SMARCA4: variants seen among roughly 807,000 people sequenced by gnomAD.
SMARCA4 encodes SWI/SNF related BAF chromatin remodeling complex subunit ATPase 4.
A neutral mutation model predicts 193.9 loss-of-function variants in SMARCA4; 31 were observed. The ratio of observed to expected loss-of-function variants is 0.16; its 90% CI spans 0.12 to 0.22. SMARCA4 has a LOEUF of 0.22. Ranked by LOEUF, SMARCA4 falls within the 10% of genes least tolerant of loss-of-function variation. The pLI is 1.00. For synonymous variants in SMARCA4, 942 were observed against 933.1 expected (o/e 1.01, Z -0.17); for missense variants, 1,148 against 2,296.0 (o/e 0.50, Z 10.22).
rs367836094 is a variant in SMARCA4 at position 11,060,204 on chromosome 19, G to A, written c.4911+17G>A. On this transcript the variant is annotated intron_variant, in intron 34 of 34. Coordinates refer to ENST00000344626, the MANE Select transcript of SMARCA4 (RefSeq NM_003072.5). Reference sequence around the variant, plus strand: ...CAAGAGGAGGTGAGGCCGGGCCCCCGAGCAGGCAGAGCTGGCATGTGGCAG... The same window carrying A: ...CAAGAGGAGGTGAGGCCGGGCCCCCAAGCAGGCAGAGCTGGCATGTGGCAG... The A allele has an allele frequency of 7.1e-6, 11 of 1,550,084 alleles. No individual in the cohort carries two copies. The highest frequency in any genetic ancestry group is 2.4e-5 in the East Asian group (1 of 40,894).
At chr19:10,999,191 C>T (rs1361337824) in intron 11 of SMARCA4, among the ~76,000 whole-genome samples, 1 of 151,954 alleles carries the variant, frequency 6.6e-6, no homozygotes, top group East Asian at 1.9e-4. Context: ...CAGACATGAG[C>T]CACTATGCCT....
intron 1 of SMARCA4, among the ~76,000 whole-genome samples, chr19:10,982,365 T>C (rs1329347189): frequency 6.6e-6 from 1 of 151,908 alleles, no homozygotes; most frequent in Non-Finnish European, 1.5e-5. Flanking sequence ...TCCCAACTAC[T>C]CAGGAGGCTG....
At chr19:10,980,973 A>G (rs1041799416) in intron 1 of SMARCA4, 2 of 152,302 alleles carry the variant, frequency 1.3e-5, no homozygotes, top group African/African-American at 4.8e-5. Context: ...GCTGATCTTG[A>G]ATTTCTGGGT....
chr19:11,025,158 C>T (rs1046248236), intron 21 of SMARCA4, among the ~76,000 whole-genome samples: 5 of 152,186 alleles, frequency 3.3e-5, no homozygotes, highest in Admixed American at 3.3e-4. Flanking sequence ...AGCCCTTTGC[C>T]AGTCTTGTTT....
intron 32 of SMARCA4, 186 bp downstream of exon 32, chr19:11,059,075 G>A (rs532431282): frequency 1.5e-5 from 9 of 601,240 alleles, no homozygotes; most frequent in East Asian, 2.8e-5. Flanking sequence ...AGGAGTTCAC[G>A]ACCAGCCTGG....
Position 10,978,780 on chromosome 19 carries a change from AATAT to A in SMARCA4, c.-31-5326_-31-5323del, listed in dbSNP as rs113134927. Among the ~76,000 whole-genome samples, 3 of 148,226 alleles carry A rather than the reference AATAT, an allele frequency of 2.0e-5. No homozygotes were observed. In the East Asian group the frequency reaches 6.0e-4, roughly 29 times the overall value. ...CCCCGTCTCTACTAAAAATACAAAA[AATAT>A]ATATATATATATATTTTAGCCAGGT... On this transcript the variant is annotated intron_variant, in intron 1 of 34. Coordinates refer to ENST00000344626, the MANE Select transcript of SMARCA4 (RefSeq NM_003072.5).
At chr19:10,992,420 A>ATT (rs927402603) in intron 8 of SMARCA4, among the ~76,000 whole-genome samples, 41 of 118,542 alleles carry the variant, frequency 3.5e-4, no homozygotes, top group Non-Finnish European at 5.3e-4. Flanking sequence ...CCTGGCCAAC[A>ATT]TTTTTTTTTT....
At chr19:11,046,532 A>G (rs1035879032) in intron 30 of SMARCA4, among the ~76,000 whole-genome samples, 2 of 152,250 alleles carry the variant, frequency 1.3e-5, no homozygotes, top group Non-Finnish European at 2.9e-5. Context: ...AGGACAACAA[A>G]GATGACTATT....
rs2089889510 is a variant in SMARCA4, at chr19:11,021,719, C to G, written c.2617-6C>G. 6.2e-7 allele frequency: 1 copy of G among 1,606,306 alleles called. No homozygotes were observed. On this transcript the variant is annotated splice_region_variant and splice_polypyrimidine_tract_variant and intron_variant, in intron 18 of 34. Coordinates refer to ENST00000344626, the MANE Select transcript of SMARCA4 (RefSeq NM_003072.5). ...CTGCCCTGATTGCCCACTCTGGGGC[C>G]CGCAGATCCGTTGGAAGTACATGAT...
intron 1 of SMARCA4, among the ~76,000 whole-genome samples, chr19:10,975,017 C>CT (rs760199710): frequency 0.024 from 2,390 of 101,018 alleles, 100 homozygotes; most frequent in African/African-American, 0.052. Context: ...TATAGTTATT[C>CT]TTTTTTTTTT....
intron 30 of SMARCA4, among the ~76,000 whole-genome samples, chr19:11,057,860 T>G (rs1288278038): frequency 6.6e-6 from 1 of 151,950 alleles, no homozygotes; most frequent in Admixed American, 6.6e-5. Flanking sequence ...CCCAGCACTT[T>G]GGGATGCTGA....
chr19:11,000,131 G>A (rs1425149301), intron 11 of SMARCA4, among the ~76,000 whole-genome samples: 1 of 152,002 alleles, frequency 6.6e-6, no homozygotes, highest in African/African-American at 2.4e-5. Flanking sequence ...GGAGGCTGAG[G>A]CAGGAGAATT....
intron 30 of SMARCA4, among the ~76,000 whole-genome samples, chr19:11,043,909 G>T (rs947692648): frequency 1.1e-4 from 16 of 152,192 alleles, no homozygotes; most frequent in Admixed American, 2.6e-4. Context: ...CCAGAAGGCA[G>T]AGGGTGCAGT....
At chr19:10,972,437 C>A (rs2084750068) in intron 1 of SMARCA4, among the ~76,000 whole-genome samples, 1 of 151,032 alleles carries the variant, frequency 6.6e-6, no homozygotes. Flanking sequence ...CTTCCACTTT[C>A]TATGTGACAT....
intron 6 of SMARCA4, among the ~76,000 whole-genome samples, chr19:10,988,415 C>T (rs1018927092): frequency 2.6e-5 from 4 of 152,138 alleles, no homozygotes; most frequent in Non-Finnish European, 5.9e-5. Context: ...CATGAATTCT[C>T]TTTTTATGAT....
intron 1 of SMARCA4, among the ~76,000 whole-genome samples, chr19:10,982,502 C>CTT (rs111316449): frequency 3.5e-5 from 5 of 143,802 alleles, no homozygotes; most frequent in Admixed American, 7.0e-5. Context: ...AAAAATAGAA[C>CTT]TTTTTTTTTT....
intron 24 of SMARCA4, among the ~76,000 whole-genome samples, chr19:11,029,297 C>G (rs550667467): frequency 6.6e-6 from 1 of 152,366 alleles, no homozygotes; most frequent in South Asian, 2.1e-4. Flanking sequence ...GTGTCCCTGA[C>G]TCCCCCAGGA....
intron 13 of SMARCA4, among the ~76,000 whole-genome samples, chr19:11,007,055 C>T (rs1344644830): frequency 1.3e-5 from 2 of 151,972 alleles, no homozygotes; most frequent in Non-Finnish European, 1.5e-5. Flanking sequence ...CCACTGCCCT[C>T]CAGCCAGAGT....
intron 1 of SMARCA4, among the ~76,000 whole-genome samples, chr19:10,975,955 C>T (rs1416028598): frequency 6.6e-6 from 1 of 152,174 alleles, no homozygotes; most frequent in African/African-American, 2.4e-5. Flanking sequence ...ACTATTCTTG[C>T]CCTTTTGGCC....
Sources: gnomAD v4.1 joint callset for allele counts (sites outside exome capture counted in the v4.1 genomes callset) on GRCh38, gnomAD v4.1.1 for gene constraint, MANE v1.5 for transcripts, NCBI Gene and HGNC (gene_info 2026-07-23, HGNC 2026-07-21) for gene names.